MBTPS1: variants seen among roughly 807,000 people sequenced by gnomAD.
MBTPS1 encodes membrane-bound transcription factor site-1 protease.
Under a neutral mutation model 127.8 loss-of-function variants are expected in MBTPS1, and 94 were observed. That is an observed-to-expected ratio of 0.74 (90% CI 0.62 to 0.87). MBTPS1 has a LOEUF of 0.87. Among genes scored for constraint, MBTPS1 ranks in the 40% least tolerant of loss-of-function variants. MBTPS1 has a pLI of 0.00. For synonymous variants in MBTPS1, 632 were observed against 509.4 expected, an observed-to-expected ratio of 1.24 and a Z score of -3.24; for missense variants, 1,636 against 1,353.2, an observed-to-expected ratio of 1.21 and a Z score of -3.28.
At chr16:84,096,454 C>G (rs1410574514) in intron 3 of MBTPS1, among the ~76,000 whole-genome samples, 1 of 152,170 alleles carries the variant, frequency 6.6e-6, no homozygotes, top group African/African-American at 2.4e-5. Flanking sequence ...AAACTATACT[C>G]TAAAAAGGAC....
chr16:84,095,878 T>C (rs991031845), intron 3 of MBTPS1, 73 bp from the exon 4 acceptor site: 1 of 1,225,804 alleles, frequency 8.2e-7, no homozygotes, highest in Non-Finnish European at 1.2e-6. Context: ...GGCAAAACTA[T>C]CCTAAACACA....
intron 14 of MBTPS1, 34 bp from the exon 15 acceptor site, chr16:84,068,488 C>A (rs377384803): frequency 7.0e-7 from 1 of 1,434,564 alleles, no homozygotes; most frequent in Non-Finnish European, 9.8e-7. Flanking sequence ...TTAAAATGAT[C>A]GATCTTTACT....
chr16:84,066,175 CAA>C (rs977349278), intron 17 of MBTPS1, among the ~76,000 whole-genome samples: 2 of 152,188 alleles, frequency 1.3e-5, no homozygotes, highest in Non-Finnish European at 2.9e-5. Flanking sequence ...ACGGGAAACA[CAA>C]AGTTATTTCA....
At chr16:84,058,767 C>T (rs563943122) in intron 21 of MBTPS1, among the ~76,000 whole-genome samples, 7 of 152,266 alleles carry the variant, frequency 4.6e-5, no homozygotes, top group South Asian at 4.1e-4. Context: ...GGGATCCAGG[C>T]GGCACTGCAA....
At position 84,068,220 on chromosome 16, in the gene MBTPS1, C is replaced by A. The variant is rs149931609; in HGVS notation, c.2071+119G>T. ...GCCCCAGGCTCACCCAGCTGTGGGG[C>A]CCACGGCGCATACTCCCTTGGTAGC... On this transcript the variant is annotated intron_variant, in intron 15 of 22. Coordinates refer to ENST00000343411, the MANE Select transcript of MBTPS1 (RefSeq NM_003791.4). The A allele has an allele frequency of 2.3e-3, 1,696 of 730,332 alleles. 17 individuals are homozygous for A. The African/African-American group carries it at 0.026, about 11-fold the overall frequency. The allele number at this position is 730,332 out of a possible 1,614,324, so 45.2% of individuals were successfully genotyped here.
chr16:84,074,783 A>C, intron 11 of MBTPS1, 42 bp from the exon 12 acceptor site: 1 of 1,561,664 alleles, frequency 6.4e-7, no homozygotes, highest in Non-Finnish European at 8.7e-7. Flanking sequence ...CATATGAGAA[A>C]ACTACAATGA....
chr16:84,111,526 G>C (rs1441657916), intron 1 of MBTPS1, among the ~76,000 whole-genome samples: 1 of 149,812 alleles, frequency 6.7e-6, no homozygotes, highest in Admixed American at 6.7e-5. Context: ...GGGCAACAGA[G>C]AGAGACTCCA....
intron 3 of MBTPS1, among the ~76,000 whole-genome samples, chr16:84,098,233 C>G (rs1468142090): frequency 2.0e-5 from 3 of 152,180 alleles, no homozygotes; most frequent in East Asian, 3.9e-4. Flanking sequence ...TTCAACGAAC[C>G]CAGCTGATGC....
At position 84,093,264 on chromosome 16, in the gene MBTPS1, A is replaced by T. The variant is rs750861039; in HGVS notation, c.770T>A (p.Ile257Lys). ...LGHGTFVAGV[I>K]ASMRECQGFA... ...TCCTTGGCACTCCCTCATGCTGGCTATCACACCTGCCACGAATGTGCCATG... is the reference window on the plus strand; with the variant it reads ...TCCTTGGCACTCCCTCATGCTGGCTTTCACACCTGCCACGAATGTGCCATG... The change falls in exon 6 of 23, where the codon ATA (isoleucine) becomes AAA (lysine). Residue 257 changes from isoleucine to lysine, a missense_variant. Transcript: ENST00000343411. 6.2e-7 allele frequency: 1 copy of T among 1,614,002 alleles called. No individual in the cohort carries two copies. Among genetic ancestry groups the T allele is most frequent in the South Asian group, 1.1e-5 (1 of 91,076 alleles).
chr16:84,100,583 C>T (rs1414884906), intron 2 of MBTPS1, among the ~76,000 whole-genome samples: 1 of 151,820 alleles, frequency 6.6e-6, no homozygotes, highest in African/African-American at 2.4e-5. Context: ...AAAAAATTAG[C>T]TGGGCACGGT....
At chr16:84,106,824 G>T (rs991783159) in intron 1 of MBTPS1, among the ~76,000 whole-genome samples, 1 of 152,228 alleles carries the variant, frequency 6.6e-6, no homozygotes, top group South Asian at 2.1e-4. Flanking sequence ...GCGGGCAGGG[G>T]AGGTGATAAG....
intron 19 of MBTPS1, 98 bp downstream of exon 19, chr16:84,063,207 C>A (rs954773589): frequency 9.3e-6 from 12 of 1,290,900 alleles, no homozygotes; most frequent in Admixed American, 2.0e-5. Flanking sequence ...GAACAGATGT[C>A]GGCTGATCTG....
intron 1 of MBTPS1, among the ~76,000 whole-genome samples, chr16:84,103,250 A>G (rs1247100914): frequency 6.7e-6 from 1 of 148,802 alleles, no homozygotes; most frequent in Non-Finnish European, 1.5e-5. Flanking sequence ...TTTTATTATT[A>G]TTATTATTTT....
chr16:84,100,287 G>A (rs180679853), intron 2 of MBTPS1, among the ~76,000 whole-genome samples: 2 of 152,314 alleles, frequency 1.3e-5, no homozygotes, highest in Admixed American at 6.5e-5. Context: ...GCTCATGCCT[G>A]TAATCCCAAC....
chr16:84,056,347 T>TG, intron 21 of MBTPS1: 1 of 503,088 alleles, frequency 2.0e-6, no homozygotes, highest in East Asian at 3.4e-5. Flanking sequence ...ATCAAGTCCC[T>TG]GTTCATGAGA....
At chr16:84,072,763 C>G (rs919329320) in intron 12 of MBTPS1, among the ~76,000 whole-genome samples, 1 of 152,140 alleles carries the variant, frequency 6.6e-6, no homozygotes, top group Non-Finnish European at 1.5e-5. Flanking sequence ...GCACTCAAGC[C>G]TGGGAGAGAG....
rs2085944980 is a variant in MBTPS1, at chr16:84,081,789, A to G, written c.1406T>C (p.Leu469Pro). Residue 469 changes from leucine (L) to proline (P), a missense_variant, in exon 11 of 23, where the codon CTC becomes CCC. Coordinates refer to ENST00000343411, the MANE Select transcript of MBTPS1 (RefSeq NM_003791.4). The stretch of plus-strand genomic sequence containing the variant: ...GCTGTTGAGGATCTGATAGGCTCTG[A>G]GCAGATCGAGCTTGCCGTGGCCTTG... ...FEQGHGKLDL[L>P]RAYQILNSYK... 4 of 1,515,396 alleles carry G rather than the reference A, an allele frequency of 2.6e-6. No homozygotes were observed. The highest frequency in any genetic ancestry group is 3.5e-6 in the Non-Finnish European group (4 of 1,130,118). The allele number at this position is 1,515,396 out of a possible 1,614,324, so 93.9% of individuals were successfully genotyped here. A position where few individuals can be genotyped will look rare whatever the true frequency, so the allele number is the denominator to read the frequency against.
intron 2 of MBTPS1, among the ~76,000 whole-genome samples, 173 bp downstream of exon 2, chr16:84,101,447 TG>T (rs1166358456): frequency 3.3e-5 from 5 of 150,494 alleles, no homozygotes; most frequent in Non-Finnish European, 7.4e-5. Flanking sequence ...GCCGAGATCA[TG>T]CCACTGCACT....
intron 3 of MBTPS1, among the ~76,000 whole-genome samples, chr16:84,097,074 G>C (rs368130776): frequency 6.6e-6 from 1 of 152,138 alleles, no homozygotes; most frequent in Non-Finnish European, 1.5e-5. Context: ...TGCCAAAAGG[G>C]ACACACCATG....
Sources: allele counts gnomAD v4.1 joint callset (sites outside exome capture counted in the v4.1 genomes callset), GRCh38; gene constraint gnomAD v4.1.1; transcripts MANE v1.5; gene names NCBI Gene and HGNC (gene_info 2026-07-23, HGNC 2026-07-21).